Variants in EIPR1 observed in about 807,000 individuals in gnomAD.
EIPR1 encodes the protein EARP and GARP complex-interacting protein 1.
EIPR1 carries 25 observed loss-of-function variants against 48.1 expected under a neutral mutation model. The observed-to-expected ratio is 0.52, with a 90% CI of 0.38 to 0.73. The LOEUF (loss-of-function observed/expected upper bound fraction) is 0.73. Ranked by LOEUF, EIPR1 falls within the 30% of genes least tolerant of loss-of-function variation. The pLI, the probability that EIPR1 is intolerant of heterozygous loss-of-function variation, is 0.00. For missense variants in EIPR1, 415 were observed against 506.2 expected (o/e 0.82, Z 1.73); for synonymous variants, 204 against 201.9 (o/e 1.01, Z -0.09).
chr2:3,209,044 T>G (rs1665344463), intron 5 of EIPR1: 1 of 1,440,844 alleles, frequency 6.9e-7, no homozygotes, highest in African/African-American at 1.4e-5. Flanking sequence ...CACCATCTTT[T>G]CCGGGACGCC....
chr2:3,323,352 C>G (rs1464662222), intron 3 of EIPR1, among the ~76,000 whole-genome samples: 2 of 152,210 alleles, frequency 1.3e-5, no homozygotes, highest in African/African-American at 2.4e-5. Flanking sequence ...GTTTGGGGAA[C>G]TGCCCCCAGT....
intron 3 of EIPR1, among the ~76,000 whole-genome samples, chr2:3,313,688 T>C (rs1286984270): frequency 6.6e-6 from 1 of 152,198 alleles, no homozygotes; most frequent in African/African-American, 2.4e-5. Flanking sequence ...GTAAGGAGCC[T>C]GGGCTTTATC....
At position 3,189,372 on chromosome 2, in the gene EIPR1, T is replaced by G; in HGVS notation, c.1126A>C (p.Arg376=). The part of the protein sequence containing the change: ...LSYDGRLVIN[R]VPRALKYHIL... ...TGGTACTTCAGGGCCCTGGGCACCC[T>G]GTTGATCACGAGCCTCCCGTCATAG... Residue 376 remains arginine (R), a synonymous_variant, in exon 9 of 9, where the codon AGG becomes CGG. Transcript: ENST00000382125. This position sits in a 1 kb window ranked among gnomAD's most constrained non-coding sequence, Gnocchi z 4.6. The G allele has an allele frequency of 1.2e-6, 2 of 1,602,036 alleles. No individual in the cohort carries two copies. The highest frequency in any genetic ancestry group is 1.7e-5 in the Admixed American group (1 of 59,466).
chr2:3,370,585 A>G (rs1472573329), intron 1 of EIPR1, among the ~76,000 whole-genome samples: 2 of 152,234 alleles, frequency 1.3e-5, no homozygotes, highest in East Asian at 3.8e-4. Flanking sequence ...GAACTATGTG[A>G]AGAATGCAGA....
Position 3,312,743 on chromosome 2 carries a change from T to G in EIPR1, c.259+25274A>C. Among the ~76,000 whole-genome samples the G allele has an allele frequency of 1.3e-5, 2 of 152,180 alleles. 1 individual carries two copies. Among genetic ancestry groups the G allele is most frequent in the Non-Finnish European group, 2.9e-5 (2 of 68,034 alleles). ...TGGTGCCCCAGGCTTGAGAAGGTTC[T>G]TGATGGTTACGTTGCTTTGTCTGCC... On this transcript the variant is annotated intron_variant, in intron 3 of 8. Transcript: ENST00000382125. The surrounding 1 kb of genome is among the most constrained non-coding windows in gnomAD (Gnocchi z 5.5).
intron 2 of EIPR1, among the ~76,000 whole-genome samples, 169 bp downstream of exon 2, chr2:3,354,381 G>T (rs964140056): frequency 6.6e-6 from 1 of 152,192 alleles, no homozygotes; most frequent in Non-Finnish European, 1.5e-5. Context: ...GATACATATA[G>T]ATGGATAATA....
At chr2:3,209,238 A>C (rs1665354714) in intron 5 of EIPR1, among the ~76,000 whole-genome samples, 2 of 152,202 alleles carry the variant, frequency 1.3e-5, no homozygotes, top group Admixed American at 1.3e-4. Flanking sequence ...CATTCACCCC[A>C]GACCTGGAGC....
chr2:3,283,325 C>T (rs1409416918), intron 3 of EIPR1, among the ~76,000 whole-genome samples: 1 of 152,212 alleles, frequency 6.6e-6, no homozygotes. Context: ...AGCCAAGTAA[C>T]ACTGCGCCAA....
chr2:3,321,106 C>T (rs939111248), intron 3 of EIPR1, among the ~76,000 whole-genome samples: 7 of 152,302 alleles, frequency 4.6e-5, no homozygotes, highest in African/African-American at 9.6e-5. Flanking sequence ...AACGACACCA[C>T]GCAGCCTCCC....
chr2:3,301,174 C>A (rs1351133709), intron 3 of EIPR1: 2 of 152,156 alleles, frequency 1.3e-5, no homozygotes, highest in Non-Finnish European at 2.9e-5. Flanking sequence ...GCAAGTTCCT[C>A]TGTGTCTGCA....
intron 1 of EIPR1, among the ~76,000 whole-genome samples, chr2:3,365,061 C>A (rs1262918329): frequency 2.6e-5 from 4 of 151,764 alleles, no homozygotes; most frequent in Non-Finnish European, 5.9e-5. Context: ...TTTTTACCAT[C>A]ATATAAATGT....
At chr2:3,268,265 C>T (rs965845859) in intron 3 of EIPR1, among the ~76,000 whole-genome samples, 6 of 152,202 alleles carry the variant, frequency 3.9e-5, no homozygotes, top group African/African-American at 1.4e-4. Context: ...CCTGTGGGGC[C>T]TATCTGCACC....
intron 3 of EIPR1, chr2:3,320,382 C>T (rs1037947515): frequency 1.2e-5 from 2 of 163,514 alleles, no homozygotes. Flanking sequence ...GAAAACACCA[C>T]ACCTGCGGAC....
chr2:3,362,316 G>A (rs1670870253), intron 1 of EIPR1, among the ~76,000 whole-genome samples: 1 of 151,964 alleles, frequency 6.6e-6, no homozygotes, highest in Non-Finnish European at 1.5e-5. Context: ...TCATACACAT[G>A]GGGGTGAGCC....
At chr2:3,225,957 C>T (rs141201043) in intron 4 of EIPR1, among the ~76,000 whole-genome samples, 8 of 152,334 alleles carry the variant, frequency 5.3e-5, no homozygotes, top group East Asian at 1.9e-4. Context: ...TTGTTTCAAA[C>T]GGCAGGACGG....
rs543319694 is a variant in EIPR1 at position 3,263,900 on chromosome 2, A to G, written c.260-6445T>C. On this transcript the variant is annotated intron_variant, in intron 3 of 8. Coordinates refer to ENST00000382125, the MANE Select transcript of EIPR1 (RefSeq NM_003310.5). ...TAGTAATGTTCTGATATGTGTATAC[A>G]TTGTGGAATGGCTAAGTCAAGCCAA... is the stretch of plus-strand genomic sequence containing the variant. Among the ~76,000 whole-genome samples, 3 of 152,364 alleles carry G rather than the reference A, an allele frequency of 2.0e-5. 1 individual carries two copies. Among genetic ancestry groups the G allele is most frequent in the East Asian group, 1.9e-4 (1 of 5,186 alleles).
intron 4 of EIPR1, among the ~76,000 whole-genome samples, chr2:3,236,407 T>C (rs1666407056): frequency 6.6e-6 from 1 of 152,142 alleles, no homozygotes; most frequent in Non-Finnish European, 1.5e-5. Context: ...CTGGGACTGA[T>C]GACAGCCATG....
chr2:3,371,033 G>T (rs367965593), intron 1 of EIPR1, among the ~76,000 whole-genome samples: 1 of 152,164 alleles, frequency 6.6e-6, no homozygotes, highest in Non-Finnish European at 1.5e-5. Context: ...GACTAACAGC[G>T]GATCTCTCGG....
chr2:3,340,442 T>G (rs530027243), intron 2 of EIPR1, among the ~76,000 whole-genome samples: 1 of 152,254 alleles, frequency 6.6e-6, no homozygotes, highest in African/African-American at 2.4e-5. Context: ...ACATTCCCAG[T>G]GAACAGCTTC....
Sources: gnomAD v4.1 joint callset for allele counts (sites outside exome capture counted in the v4.1 genomes callset) on GRCh38, gnomAD v4.1.1 for gene constraint, Gnocchi (gnomAD v3.1) non-coding constraint, MANE v1.5 for transcripts, NCBI Gene and HGNC (gene_info 2026-07-23, HGNC 2026-07-21) for gene names.